TIMD4: variants seen among roughly 807,000 people sequenced by gnomAD.
TIMD4 encodes the protein T-cell immunoglobulin and mucin domain-containing protein 4.
Under a neutral mutation model 41.2 loss-of-function variants are expected in TIMD4, and 31 were observed. The observed-to-expected ratio is 0.75, with a 90% confidence interval of 0.57 to 1.01. The LOEUF (loss-of-function observed/expected upper bound fraction) is 1.01, where lower values mean the gene tolerates loss of function less well. Ranked by LOEUF, TIMD4 falls within the 50% of genes least tolerant of loss-of-function variation. TIMD4 has a pLI of 0.00. For missense variants in TIMD4, 479 were observed against 472.5 expected (o/e 1.01, Z -0.13); for synonymous variants, 204 against 177.1 (o/e 1.15, Z -1.21).
At chr5:156,921,127 C>A (rs575379381) in intron 7 of TIMD4, among the ~76,000 whole-genome samples, 1 of 20,328 alleles carries the variant, frequency 4.9e-5, no homozygotes, top group Non-Finnish European at 9.9e-5. Flanking sequence ...CTTTTGGGGG[C>A]GGGGGGCAGG....
At position 156,951,669 on chromosome 5, in the gene TIMD4, TGTG is replaced by T; in HGVS notation, c.519_521del (p.Thr174del). 1 of 1,613,936 alleles carries T rather than the reference TGTG, an allele frequency of 6.2e-7. No homozygotes were observed. The highest frequency in any genetic ancestry group is 8.5e-7 in the Non-Finnish European group (1 of 1,179,986). On this transcript the variant is annotated inframe_deletion, in exon 3 of 9. Transcript: ENST00000274532. ...GTGGTGTTCCGGTTGTGAGATCGGGTGTGGTCACGACTGTTGTTGGAAGTGCAG... is the reference window on the plus strand; with the variant it reads ...GTGGTGTTCCGGTTGTGAGATCGGGTGTCACGACTGTTGTTGGAAGTGCAG...
intron 5 of TIMD4, among the ~76,000 whole-genome samples, chr5:156,941,501 T>C (rs1191111039): frequency 6.6e-6 from 1 of 152,242 alleles, no homozygotes; most frequent in Non-Finnish European, 1.5e-5. Flanking sequence ...TTCTCCGTCT[T>C]TGCTCATGCT....
At chr5:156,939,097 T>A (rs1759594147) in intron 5 of TIMD4, among the ~76,000 whole-genome samples, 1 of 152,160 alleles carries the variant, frequency 6.6e-6, no homozygotes, top group Non-Finnish European at 1.5e-5. Context: ...TCTCACACAA[T>A]ATCTTTAGGT....
At chr5:156,958,529 C>G (rs1051709554) in intron 1 of TIMD4, among the ~76,000 whole-genome samples, 2 of 152,096 alleles carry the variant, frequency 1.3e-5, no homozygotes, top group Non-Finnish European at 2.9e-5. Context: ...TGTGAGTAAA[C>G]AGGACTCCAA....
intron 8 of TIMD4, 112 bp from the exon 9 acceptor site, chr5:156,919,653 G>C (rs558614407): frequency 1.3e-6 from 1 of 778,050 alleles, no homozygotes; most frequent in African/African-American, 1.8e-5. Context: ...AGGGCTCACA[G>C]TTCATTTAGT....
rs1759348543 is a variant in TIMD4 at position 156,926,399 on chromosome 5, TG to T, written c.845-88del. 3.0e-6 allele frequency: 4 copies of T among 1,317,692 alleles called. 1 individual carries two copies. The highest frequency in any genetic ancestry group is 2.9e-5 in the African/African-American group (2 of 68,606). The allele number at this position is 1,317,692 out of a possible 1,614,324, so 81.6% of individuals were successfully genotyped here. On this transcript the variant is annotated intron_variant, in intron 5 of 8. Transcript: ENST00000274532. ...TGAAATAGGTAATTAAGAGTCCATC[TG>T]GAACTGCAGCTGATGTGTTTAATTA... is the stretch of plus-strand genomic sequence containing the variant.
intron 2 of TIMD4, among the ~76,000 whole-genome samples, 178 bp from the exon 3 acceptor site, chr5:156,951,968 C>A (rs1759869989): frequency 6.6e-6 from 1 of 152,136 alleles, no homozygotes; most frequent in Admixed American, 6.5e-5. Context: ...TCCTTCCAAT[C>A]TATTCTTCAC....
At position 156,954,431 on chromosome 5, in the gene TIMD4, G is replaced by T; in HGVS notation, c.384C>A (p.Arg128=). Residue 128 remains arginine (R), a synonymous_variant, in exon 2 of 9, where the codon CGC becomes CGA. Transcript: ENST00000274532. ...GWFNDVKINV[R]LNLQRASTTT... is the part of the protein sequence containing the mutation. ...TGTGCTTACCTCTCTGTAGATTCAGGCGCACGTTTATCTTTACATCGTTGA... is the reference window on the plus strand; with the variant it reads ...TGTGCTTACCTCTCTGTAGATTCAGTCGCACGTTTATCTTTACATCGTTGA... 3 of 1,613,728 alleles carry T rather than the reference G, an allele frequency of 1.9e-6. No homozygotes were observed. Among genetic ancestry groups the T allele is most frequent in the Non-Finnish European group, 8.5e-7 (1 of 1,179,808 alleles).
intron 7 of TIMD4, among the ~76,000 whole-genome samples, chr5:156,921,127 C>T (rs575379381): frequency 8.8e-4 from 18 of 20,374 alleles, no homozygotes; most frequent in South Asian, 6.1e-3. Context: ...CTTTTGGGGG[C>T]GGGGGGCAGG....
At chr5:156,934,665 G>T (rs540118127) in intron 5 of TIMD4, among the ~76,000 whole-genome samples, 2 of 152,132 alleles carry the variant, frequency 1.3e-5, no homozygotes, top group East Asian at 1.9e-4. Flanking sequence ...TACATTGATT[G>T]CCCAAGGTGA....
intron 5 of TIMD4, among the ~76,000 whole-genome samples, chr5:156,926,681 C>T (rs1759354364): frequency 6.6e-6 from 1 of 152,106 alleles, no homozygotes; most frequent in Non-Finnish European, 1.5e-5. Context: ...CTATTATAGG[C>T]CATGCAGTGT....
chr5:156,942,459 C>T (rs1217064906), intron 5 of TIMD4, among the ~76,000 whole-genome samples: 2 of 152,176 alleles, frequency 1.3e-5, no homozygotes, highest in Non-Finnish European at 2.9e-5. Context: ...ACAAGACTTC[C>T]CCCCTACATC....
chr5:156,949,061 G>A (rs1420328893), intron 4 of TIMD4, among the ~76,000 whole-genome samples: 1 of 152,172 alleles, frequency 6.6e-6, no homozygotes, highest in Non-Finnish European at 1.5e-5. Flanking sequence ...AAAAGGAATA[G>A]AACTGGGAGT....
chr5:156,954,900 C>G (rs771788783), intron 1 of TIMD4, 144 bp from the exon 2 acceptor site: 5 of 751,240 alleles, frequency 6.7e-6, no homozygotes, highest in Non-Finnish European at 1.1e-5. Flanking sequence ...TTTTTTGATA[C>G]AGGGTCTTGC....
At chr5:156,926,347 C>A in intron 5 of TIMD4, 35 bp from the exon 6 acceptor site, 1 of 1,608,418 alleles carries the variant, frequency 6.2e-7, no homozygotes, top group South Asian at 1.1e-5. Context: ...GGTTATATGT[C>A]TGGTTGGGGA....
At chr5:156,923,896 G>C (rs1158921158) in intron 6 of TIMD4, among the ~76,000 whole-genome samples, 2 of 151,700 alleles carry the variant, frequency 1.3e-5, no homozygotes, top group African/African-American at 4.8e-5. Context: ...GTAGTGCAGT[G>C]GCACAAACAA....
chr5:156,926,511 T>C (rs1759350770), intron 5 of TIMD4, among the ~76,000 whole-genome samples, 199 bp from the exon 6 acceptor site: 1 of 152,238 alleles, frequency 6.6e-6, no homozygotes, highest in South Asian at 2.1e-4. Flanking sequence ...TATACAACGT[T>C]ATCCCTGGGA....
intron 5 of TIMD4, among the ~76,000 whole-genome samples, chr5:156,935,908 G>A (rs1759532595): frequency 6.6e-6 from 1 of 152,224 alleles, no homozygotes. Context: ...GGAGGGCAAT[G>A]TCTAGCACTG....
At chr5:156,963,061 C>G in intron 1 of TIMD4, 80 bp downstream of exon 1, 1 of 1,429,110 alleles carries the variant, frequency 7.0e-7, no homozygotes, top group Non-Finnish European at 9.9e-7. Flanking sequence ...TTCACTGAGG[C>G]CCAAACCAGT....
Sources: gnomAD v4.1 joint callset for allele counts (sites outside exome capture counted in the v4.1 genomes callset) on GRCh38, gnomAD v4.1.1 for gene constraint, MANE v1.5 for transcripts, NCBI Gene and HGNC (gene_info 2026-07-23, HGNC 2026-07-21) for gene names.